PARM1: variants seen among roughly 807,000 people sequenced by gnomAD.
PARM1 encodes prostate androgen-regulated mucin-like protein 1, also known as WSC4, cell wall integrity and stress response component 4 homolog.
A neutral mutation model predicts 24.6 loss-of-function variants in PARM1; 14 were observed. The observed-to-expected ratio is 0.57, with a 90% CI of 0.38 to 0.89. The LOEUF (loss-of-function observed/expected upper bound fraction) is 0.89, where lower values mean the gene tolerates loss of function less well. PARM1 is among the 40% of genes least tolerant of loss of function. The pLI, the probability that PARM1 is intolerant of heterozygous loss-of-function variation, is 0.00. For synonymous variants in PARM1, 179 were observed against 156.6 expected, an observed-to-expected ratio of 1.14 and a Z score of -1.07; for missense variants, 362 against 380.4, an observed-to-expected ratio of 0.95 and a Z score of 0.40.
chr4:74,971,879 G>A (rs1239351387), intron 1 of PARM1, among the ~76,000 whole-genome samples: 2 of 152,152 alleles, frequency 1.3e-5, no homozygotes, highest in Non-Finnish European at 2.9e-5. Context: ...TCAAGGTATT[G>A]GGACACATTC....
chr4:74,933,802 C>A (rs925560370), intron 1 of PARM1, among the ~76,000 whole-genome samples: 1 of 152,118 alleles, frequency 6.6e-6, no homozygotes, highest in African/African-American at 2.4e-5. Context: ...AGGTTCGCAT[C>A]TGGGAAGGCT....
At position 74,934,722 on chromosome 4, in the gene PARM1, G is replaced by A. The variant is rs550522654; in HGVS notation, c.43+1352G>A. On this transcript the variant is annotated intron_variant, in intron 1 of 3. Coordinates refer to ENST00000307428, the MANE Select transcript of PARM1 (RefSeq NM_015393.4). ...GCAGCGGAGCTCCCGGCTGGCTGCG[G>A]GTGGTAATTCCTGTAATCCTCAAAG... 2.6e-5 allele frequency among the ~76,000 whole-genome samples: 4 copies of A among 152,308 alleles called. No individual in the cohort carries two copies. In the East Asian group the frequency reaches 7.7e-4, roughly 29 times the overall value.
intron 1 of PARM1, among the ~76,000 whole-genome samples, chr4:74,964,988 A>G (rs1217250497): frequency 2.6e-5 from 4 of 152,222 alleles, no homozygotes; most frequent in African/African-American, 4.8e-5. Context: ...AAATAAAATT[A>G]GTAAATTTGT....
chr4:74,975,550 G>T (rs1187655596), intron 1 of PARM1, among the ~76,000 whole-genome samples: 1 of 152,158 alleles, frequency 6.6e-6, no homozygotes, highest in Non-Finnish European at 1.5e-5. Flanking sequence ...TTTATAAAAT[G>T]CATGTATTTC....
intron 1 of PARM1, among the ~76,000 whole-genome samples, chr4:74,999,455 A>T (rs1293320947): frequency 6.6e-6 from 1 of 152,190 alleles, no homozygotes; most frequent in East Asian, 1.9e-4. Context: ...GGTGCAGGAG[A>T]CATTAAGCAT....
chr4:74,955,432 C>T (rs1186824098), intron 1 of PARM1, among the ~76,000 whole-genome samples: 1 of 152,144 alleles, frequency 6.6e-6, no homozygotes, highest in Non-Finnish European at 1.5e-5. Context: ...CATCAGGAAG[C>T]CCACAAAACA....
At chr4:75,006,066 A>G (rs1164288165) in intron 1 of PARM1, among the ~76,000 whole-genome samples, 1 of 152,214 alleles carries the variant, frequency 6.6e-6, no homozygotes, top group Non-Finnish European at 1.5e-5. Flanking sequence ...CTTCTCAAGG[A>G]AATACTAATA....
chr4:74,940,588 A>T (rs187408957), intron 1 of PARM1, among the ~76,000 whole-genome samples: 18 of 152,236 alleles, frequency 1.2e-4, no homozygotes, highest in Admixed American at 1.1e-3. Context: ...TACCATCTTT[A>T]CCTTGGAGAT....
At chr4:74,958,597 C>T (rs1480088057) in intron 1 of PARM1, among the ~76,000 whole-genome samples, 2 of 152,098 alleles carry the variant, frequency 1.3e-5, no homozygotes, top group Non-Finnish European at 2.9e-5. Context: ...TGAGGCTCGA[C>T]CATAAGACAG....
At chr4:74,982,355 ATACC>A (rs1722273732) in intron 1 of PARM1, among the ~76,000 whole-genome samples, 1 of 152,172 alleles carries the variant, frequency 6.6e-6, no homozygotes, top group South Asian at 2.1e-4. Context: ...GCTGGGCTTA[ATACC>A]TAGGTGATGG....
Position 75,034,020 on chromosome 4 carries a change from G to A in PARM1, c.848+59G>A, listed in dbSNP as rs1224383447. On this transcript the variant is annotated intron_variant, in intron 3 of 3. Transcript: ENST00000307428. ...TCTGTTTTGTTGGGCTCTGGGCTGA[G>A]CGCTGTTTTGCTGGATACTTGTTCC... 7.4e-6 allele frequency: 10 copies of A among 1,353,296 alleles called. No homozygotes were observed. The Admixed American group carries it at 1.2e-4, about 17-fold the overall frequency. 83.8% of individuals were successfully genotyped at this position (1,353,296 alleles called of 1,614,324 possible). A position where few individuals can be genotyped will look rare whatever the true frequency, so the allele number is the denominator to read the frequency against.
At chr4:74,971,033 A>G (rs1722023130) in intron 1 of PARM1, among the ~76,000 whole-genome samples, 1 of 152,212 alleles carries the variant, frequency 6.6e-6, no homozygotes, top group Admixed American at 6.5e-5. Flanking sequence ...AGAAGTGAGC[A>G]TTTGGAGGCA....
chr4:74,971,821 G>C (rs1383801152), intron 1 of PARM1, among the ~76,000 whole-genome samples: 2 of 152,098 alleles, frequency 1.3e-5, no homozygotes, highest in Non-Finnish European at 2.9e-5. Flanking sequence ...TCCCAGCCTA[G>C]TCTAGACTCT....
chr4:74,962,578 C>T (rs1721799461), intron 1 of PARM1, among the ~76,000 whole-genome samples: 1 of 152,106 alleles, frequency 6.6e-6, no homozygotes, highest in South Asian at 2.1e-4. Context: ...GATCTAAAGA[C>T]ACAAATAGGT....
intron 3 of PARM1, among the ~76,000 whole-genome samples, chr4:75,035,401 C>A (rs1723350482): frequency 6.6e-6 from 1 of 152,198 alleles, no homozygotes; most frequent in South Asian, 2.1e-4. Context: ...TAAGGACACA[C>A]AATCCCATGG....
chr4:74,998,488 T>C (rs528409198), intron 1 of PARM1, among the ~76,000 whole-genome samples: 8 of 152,354 alleles, frequency 5.3e-5, no homozygotes, highest in Admixed American at 5.2e-4. Context: ...ACATCCAGTT[T>C]CCCTTGTTAC....
At chr4:74,935,395 C>G (rs189938202) in intron 1 of PARM1, among the ~76,000 whole-genome samples, 345 of 152,280 alleles carry the variant, frequency 2.3e-3, no homozygotes, top group African/African-American at 7.3e-3. Context: ...ATAAATACCT[C>G]ATGAGATTCT....
At chr4:74,992,048 A>G (rs1722488460) in intron 1 of PARM1, among the ~76,000 whole-genome samples, 2 of 152,168 alleles carry the variant, frequency 1.3e-5, no homozygotes, top group Non-Finnish European at 2.9e-5. Context: ...TACAAAGGAT[A>G]CAGATGAACA....
At chr4:74,990,685 G>T (rs183501503) in intron 1 of PARM1, among the ~76,000 whole-genome samples, 90 of 152,214 alleles carry the variant, frequency 5.9e-4, no homozygotes, top group African/African-American at 2.2e-3. Context: ...TAGGGAGTTG[G>T]CAAAAATAAT....
Sources: allele counts gnomAD v4.1 joint callset (sites outside exome capture counted in the v4.1 genomes callset), GRCh38; gene constraint gnomAD v4.1.1; transcripts MANE v1.5; gene names NCBI Gene and HGNC (gene_info 2026-07-23, HGNC 2026-07-21).